ZC3H7B: variants seen among roughly 807,000 people sequenced by gnomAD.
ZC3H7B encodes the protein zinc finger CCCH domain-containing protein 7B.
Under a neutral mutation model 116.0 loss-of-function variants are expected in ZC3H7B, and 35 were observed. The ratio of observed to expected loss-of-function variants is 0.30; its 90% CI spans 0.23 to 0.40. The LOEUF is 0.40. Ranked by LOEUF, ZC3H7B falls within the 10% of genes least tolerant of loss-of-function variation. The probability of loss-of-function intolerance (pLI) is 1.00; values close to 1 mark genes in which losing one functional copy is unlikely to be tolerated. For missense variants in ZC3H7B, 1,011 were observed against 1,321.5 expected (o/e 0.77, Z 3.64); for synonymous variants, 502 against 545.6 (o/e 0.92, Z 1.11).
intron 11 of ZC3H7B, among the ~76,000 whole-genome samples, chr22:41,342,028 C>T (rs926805180): frequency 1.1e-4 from 17 of 150,704 alleles, no homozygotes; most frequent in African/African-American, 3.9e-4. Context: ...CGCCATTGCA[C>T]TCTAGCCTGG....
At chr22:41,353,096 A>AAG (rs1369407449) in intron 17 of ZC3H7B, among the ~76,000 whole-genome samples, 7 of 151,426 alleles carry the variant, frequency 4.6e-5, no homozygotes, top group African/African-American at 1.7e-4. Flanking sequence ...AAAAAAGAAG[A>AAG]AAAAAAGGTC....
At chr22:41,316,596 C>CG (rs2036186482) in intron 1 of ZC3H7B, among the ~76,000 whole-genome samples, 1 of 98,920 alleles carries the variant, frequency 1.0e-5, no homozygotes, top group Non-Finnish European at 1.9e-5. Flanking sequence ...CACACCTGGC[C>CG]TTTTTTTTTT....
At chr22:41,323,970 T>C (rs993025857) in intron 2 of ZC3H7B, among the ~76,000 whole-genome samples, 5 of 151,858 alleles carry the variant, frequency 3.3e-5, no homozygotes, top group African/African-American at 9.7e-5. Flanking sequence ...CTCTGGAGGC[T>C]GAGGCAGGAG....
In ZC3H7B at chr22:41,340,092, T is replaced by C; in HGVS notation, c.1093T>C (p.Phe365Leu). 6.2e-7 allele frequency: 1 copy of C among 1,611,654 alleles called. No individual in the cohort carries two copies. The highest frequency in any genetic ancestry group is 8.5e-7 in the Non-Finnish European group (1 of 1,179,646). ...GACCCGGCTGGATGCACTCGACAGCTTTGGGTCGACACGAGGCTCCCTGGA... is the reference window on the plus strand; with the variant it reads ...GACCCGGCTGGATGCACTCGACAGCCTTGGGTCGACACGAGGCTCCCTGGA... ...SETRLDALDS[F>L]GSTRGSLDKP... The change falls in exon 10 of 23, where the codon TTT becomes CTT. Residue 365 changes from phenylalanine to leucine, a missense_variant. Phe to Leu is a conservative substitution (Grantham distance 22). Around this residue, in one of 5 missense-constraint regions of ZC3H7B, gnomAD observed 99 missense variants for 89.5 expected, o/e 1.11. Coordinates refer to ENST00000352645, the MANE Select transcript of ZC3H7B (RefSeq NM_017590.6).
chr22:41,326,933 A>G (rs2036326685), intron 4 of ZC3H7B, among the ~76,000 whole-genome samples: 1 of 152,204 alleles, frequency 6.6e-6, no homozygotes, highest in Non-Finnish European at 1.5e-5. Context: ...GGCCGGGCTC[A>G]TGGTTGTAGA....
At chr22:41,334,906 GAC>G (rs1408423161) in intron 7 of ZC3H7B, 2 of 152,274 alleles carry the variant, frequency 1.3e-5, no homozygotes, top group African/African-American at 4.8e-5. Flanking sequence ...GGCCCTGCAA[GAC>G]AGTGTCTGTG....
At chr22:41,325,945 C>G (rs200250336) in intron 4 of ZC3H7B, 27 bp downstream of exon 4, 1 of 1,577,428 alleles carries the variant, frequency 6.3e-7, no homozygotes, top group East Asian at 2.3e-5. Flanking sequence ...CTTTTCTCTC[C>G]TCCTCTGCTG....
intron 11 of ZC3H7B, among the ~76,000 whole-genome samples, chr22:41,341,994 G>A (rs1359278966): frequency 7.9e-5 from 12 of 151,804 alleles, no homozygotes; most frequent in Non-Finnish European, 1.6e-4. Context: ...CCTGGGAGGT[G>A]GAGGTTGCGG....
chr22:41,320,576 A>C lies in ZC3H7B; in HGVS notation c.-6-79A>C. 3 of 1,537,158 alleles carry C rather than the reference A, an allele frequency of 2.0e-6. No homozygotes were observed. In the South Asian group the frequency reaches 3.4e-5, roughly 17 times the overall value. On this transcript the variant is annotated intron_variant, in intron 1 of 22. Transcript: ENST00000352645. Reference sequence around the variant, plus strand: ...AGAGTGGGAGTGAGAGCACCCAATCACAGGACCCACGAAGTGGTGGTGGCT... The same window carrying C: ...AGAGTGGGAGTGAGAGCACCCAATCCCAGGACCCACGAAGTGGTGGTGGCT...
intron 1 of ZC3H7B, among the ~76,000 whole-genome samples, chr22:41,305,277 G>A (rs1398460348): frequency 2.0e-5 from 3 of 151,734 alleles, no homozygotes; most frequent in Non-Finnish European, 4.4e-5. Context: ...CCCAGGAGGC[G>A]GAGCTTGCAG....
chr22:41,338,298 G>C lies in ZC3H7B; in HGVS notation c.583-15G>C. ...CCTTCCCAGCCACAGCGCCACTGTG[G>C]CCCTCTCCCCACAGGGAACTTCTAA... is the stretch of plus-strand genomic sequence containing the variant. On this transcript the variant is annotated splice_polypyrimidine_tract_variant and intron_variant, in intron 7 of 22. Coordinates refer to ENST00000352645, the MANE Select transcript of ZC3H7B (RefSeq NM_017590.6). This position sits in a 1 kb window ranked among gnomAD's most constrained non-coding sequence, Gnocchi z 4.5. The C allele has an allele frequency of 6.2e-7, 1 of 1,611,668 alleles. No homozygotes were observed. Among genetic ancestry groups the C allele is most frequent in the Non-Finnish European group, 8.5e-7 (1 of 1,179,634 alleles).
Position 41,320,702 on chromosome 22 carries a change from G to A in ZC3H7B, c.42G>A (p.Leu14=). 3 of 1,613,918 alleles carry A rather than the reference G, an allele frequency of 1.9e-6. No individual in the cohort carries two copies. Among genetic ancestry groups the A allele is most frequent in the Non-Finnish European group, 2.5e-6 (3 of 1,179,882 alleles). The part of the protein sequence containing the change: ...QKRKADIEKG[L]QFIQSTLPLK... ...GGAAGGCGGACATCGAGAAAGGGCT[G>A]CAGTTCATTCAGTAAGCCTGCATGC... The change falls in exon 2 of 23, where the codon CTG becomes CTA. Residue 14 remains leucine (L), a synonymous_variant. Transcript: ENST00000352645.
chr22:41,302,384 G>C lies in ZC3H7B; in HGVS notation c.-7+612G>C, dbSNP rs951010280. Among the ~76,000 whole-genome samples, 12 of 152,076 alleles carry C rather than the reference G, an allele frequency of 7.9e-5. No homozygotes were observed. Among genetic ancestry groups the C allele is most frequent in the Non-Finnish European group, 1.3e-4 (9 of 67,972 alleles). The stretch of plus-strand genomic sequence containing the variant: ...CCCGCGGGAAGGGGGCGGCAGGAAA[G>C]GGGGGCGCGGTCTGGGCCTGCTGGG... On this transcript the variant is annotated intron_variant, in intron 1 of 22. Transcript: ENST00000352645. The surrounding 1 kb of genome is among the most constrained non-coding windows in gnomAD (Gnocchi z 5.7).
intron 1 of ZC3H7B, among the ~76,000 whole-genome samples, chr22:41,320,189 T>G (rs2036236611): frequency 6.7e-6 from 1 of 150,010 alleles, no homozygotes; most frequent in South Asian, 2.1e-4. Flanking sequence ...AAAAATTAGC[T>G]GGGCATGATG....
At chr22:41,331,166 T>C (rs557297600) in intron 6 of ZC3H7B, among the ~76,000 whole-genome samples, 12 of 144,748 alleles carry the variant, frequency 8.3e-5, no homozygotes, top group Non-Finnish European at 1.8e-4. Context: ...TGAGAATCAC[T>C]TGAACCCGGG....
intron 2 of ZC3H7B, among the ~76,000 whole-genome samples, chr22:41,321,821 C>G (rs532256029): frequency 2.2e-4 from 31 of 142,666 alleles, no homozygotes; most frequent in South Asian, 9.0e-4. Context: ...AAACTCAAAA[C>G]TCACATTCTT....
At chr22:41,307,859 G>A (rs139598214) in intron 1 of ZC3H7B, among the ~76,000 whole-genome samples, 30 of 152,272 alleles carry the variant, frequency 2.0e-4, no homozygotes, top group African/African-American at 4.1e-4. Context: ...CCTGGCATCC[G>A]AGGTCTTAGC....
At chr22:41,342,895 G>A (rs939252132) in intron 12 of ZC3H7B, among the ~76,000 whole-genome samples, 2 of 152,164 alleles carry the variant, frequency 1.3e-5, no homozygotes, top group African/African-American at 2.4e-5. Flanking sequence ...TGGGTAGGCC[G>A]GATGCGGTGG....
rs1285134345 is a variant in ZC3H7B at position 41,356,284 on chromosome 22, T to G, written c.2384-59T>G. ...CGGCTCCCAAATCAAGTGGGGACCA[T>G]GGGGCAGAATGGATGGAGAAGCCCC... On this transcript the variant is annotated intron_variant, in intron 20 of 22. Transcript: ENST00000352645. 7 of 1,605,618 alleles carry G rather than the reference T, an allele frequency of 4.4e-6. No homozygotes were observed. In the East Asian group the frequency reaches 1.3e-4, roughly 31 times the overall value.
Sources: allele counts gnomAD v4.1 joint callset (sites outside exome capture counted in the v4.1 genomes callset), GRCh38; gene constraint gnomAD v4.1.1; regional missense constraint gnomAD v4.1.1; non-coding constraint Gnocchi (gnomAD v3.1); transcripts MANE v1.5; gene names NCBI Gene and HGNC (gene_info 2026-07-23, HGNC 2026-07-21).